UIMC1: variants seen among roughly 807,000 people sequenced by gnomAD.
UIMC1 encodes the protein BRCA1-A complex subunit RAP80.
Under a neutral mutation model 84.9 loss-of-function variants are expected in UIMC1, and 42 were observed. The ratio of observed to expected loss-of-function variants is 0.49; its 90% CI spans 0.39 to 0.64. UIMC1 has a LOEUF of 0.64. Among genes scored for constraint, UIMC1 ranks in the 30% least tolerant of loss-of-function variants. The pLI is 0.00. For synonymous variants in UIMC1, 281 were observed against 293.0 expected (o/e 0.96, Z 0.42); for missense variants, 825 against 847.6 (o/e 0.97, Z 0.33).
Position 176,908,574 on chromosome 5 carries a change from T to C in UIMC1, c.1797A>G (p.Arg599=), listed in dbSNP as rs1216744183. 1 of 1,614,122 alleles carries C rather than the reference T, an allele frequency of 6.2e-7. No individual in the cohort carries two copies. Among genetic ancestry groups the C allele is most frequent in the Admixed American group, 1.7e-5 (1 of 60,018 alleles). Residue 599 remains arginine, a synonymous_variant, in exon 12 of 15, where the codon AGA becomes AGG. Transcript: ENST00000511320. ...ACTTCCCCTCCACAGTTGAACATGC[T>C]CTTCCACTCCCTTCAGGTCCATCTC... ...DQGDGPEGSG[R]ACSTVEGKWQ... is the part of the protein sequence containing the mutation.
chr5:177,000,496 G>GTTTTTTTTTTTTTTTTTTT (rs1490596086), intron 1 of UIMC1, among the ~76,000 whole-genome samples: 2 of 125,950 alleles, frequency 1.6e-5, no homozygotes, highest in African/African-American at 3.7e-5. Context: ...CCACTTGCAT[G>GTTTTTTTTTTTTTTTTTTT]TCTTTTTTTT....
At chr5:177,022,515 G>C (rs143230660) in exon 1 of UIMC1, 6,148 of 506,514 alleles carry the variant, frequency 0.012, 54 homozygotes, top group Non-Finnish European at 0.016. Flanking sequence ...TCTCCGGGAG[G>C]GGGGGGTCAC....
intron 6 of UIMC1, among the ~76,000 whole-genome samples, chr5:176,968,145 A>C (rs781480144): frequency 6.6e-6 from 1 of 152,130 alleles, no homozygotes; most frequent in Non-Finnish European, 1.5e-5. Flanking sequence ...AGGCCAAGGC[A>C]TGCAGATCAC....
intron 1 of UIMC1, 122 bp from the exon 2 acceptor site, chr5:176,982,745 G>T: frequency 8.5e-7 from 1 of 1,175,480 alleles, no homozygotes; most frequent in Non-Finnish European, 1.2e-6. Flanking sequence ...TGTTGCCCAG[G>T]CTGGAGTGCA....
chr5:176,945,309 G>C (rs1158084055), intron 9 of UIMC1, among the ~76,000 whole-genome samples: 1 of 152,144 alleles, frequency 6.6e-6, no homozygotes, highest in African/African-American at 2.4e-5. Flanking sequence ...AAGTTGTAAA[G>C]CTTAAAAATT....
intron 1 of UIMC1, among the ~76,000 whole-genome samples, chr5:176,986,050 G>A (rs1285729722): frequency 6.6e-6 from 1 of 151,734 alleles, no homozygotes; most frequent in Non-Finnish European, 1.5e-5. Context: ...TCAGGAATTT[G>A]AGACCATCCT....
chr5:177,003,595 G>C (rs1376771146), intron 1 of UIMC1, among the ~76,000 whole-genome samples: 1 of 152,184 alleles, frequency 6.6e-6, no homozygotes, highest in East Asian at 1.9e-4. Flanking sequence ...AGAGATTGCA[G>C]TGAGCCAAGA....
At chr5:176,959,807 G>A (rs1350473351) in intron 6 of UIMC1, among the ~76,000 whole-genome samples, 5 of 151,928 alleles carry the variant, frequency 3.3e-5, no homozygotes, top group Non-Finnish European at 5.9e-5. Context: ...CAAGGTGGGC[G>A]GATCACCTGA....
intron 10 of UIMC1, among the ~76,000 whole-genome samples, chr5:176,940,631 T>C (rs1764295279): frequency 1.3e-5 from 2 of 152,130 alleles, no homozygotes; most frequent in African/African-American, 2.4e-5. Flanking sequence ...TGCATCTAGA[T>C]TGCAGTCCTT....
chr5:176,925,225 A>G (rs1166976075), intron 10 of UIMC1, among the ~76,000 whole-genome samples: 1 of 152,220 alleles, frequency 6.6e-6, no homozygotes, highest in Non-Finnish European at 1.5e-5. Flanking sequence ...ATACAAAATT[A>G]GACAACAATC....
intron 10 of UIMC1, among the ~76,000 whole-genome samples, chr5:176,932,599 G>C (rs1763246760): frequency 6.6e-6 from 1 of 152,194 alleles, no homozygotes; most frequent in African/African-American, 2.4e-5. Context: ...TACTGGGAGG[G>C]AAAGTGCTTG....
chr5:176,917,920 T>C (rs551015570), intron 10 of UIMC1, among the ~76,000 whole-genome samples: 25 of 152,230 alleles, frequency 1.6e-4, no homozygotes, highest in African/African-American at 4.8e-4. Flanking sequence ...GATCATGTCA[T>C]TGCACTCCAG....
At chr5:176,920,096 A>C (rs550302891) in intron 10 of UIMC1, among the ~76,000 whole-genome samples, 3 of 152,204 alleles carry the variant, frequency 2.0e-5, no homozygotes, top group South Asian at 4.2e-4. Flanking sequence ...ATCTTGGCAC[A>C]CCACAACCTC....
intron 9 of UIMC1, among the ~76,000 whole-genome samples, chr5:176,944,046 G>A (rs957164385): frequency 6.6e-6 from 1 of 152,152 alleles, no homozygotes; most frequent in African/African-American, 2.4e-5. Flanking sequence ...GCACCTTAAG[G>A]ACACATTTTC....
At chr5:176,953,826 T>G (rs1766232857) in intron 8 of UIMC1, among the ~76,000 whole-genome samples, 1 of 152,176 alleles carries the variant, frequency 6.6e-6, no homozygotes, top group African/African-American at 2.4e-5. Context: ...TCTTAAATAT[T>G]AGACTCCTGA....
intron 8 of UIMC1, among the ~76,000 whole-genome samples, chr5:176,955,198 A>G (rs900694807): frequency 2.6e-5 from 4 of 152,230 alleles, no homozygotes; most frequent in Non-Finnish European, 1.5e-5. Context: ...AGTTCATTTT[A>G]CATTATTTTG....
intron 9 of UIMC1, among the ~76,000 whole-genome samples, chr5:176,944,914 T>C (rs1181681934): frequency 2.6e-5 from 4 of 152,212 alleles, no homozygotes; most frequent in South Asian, 2.1e-4. Flanking sequence ...TCATTTTCCA[T>C]ATCCATCCCT....
intron 3 of UIMC1, among the ~76,000 whole-genome samples, chr5:176,971,511 A>C (rs1478738172): frequency 6.6e-6 from 1 of 152,254 alleles, no homozygotes; most frequent in Non-Finnish European, 1.5e-5. Flanking sequence ...TATCGAAAGA[A>C]CTTAGGAGCC....
intron 9 of UIMC1, among the ~76,000 whole-genome samples, chr5:176,945,525 C>T (rs1310992065): frequency 6.6e-6 from 1 of 152,192 alleles, no homozygotes; most frequent in East Asian, 1.9e-4. Flanking sequence ...TGATGTGCTT[C>T]CCCCTGTAGA....
Sources: allele counts gnomAD v4.1 joint callset (sites outside exome capture counted in the v4.1 genomes callset), GRCh38; gene constraint gnomAD v4.1.1; transcripts MANE v1.5; gene names NCBI Gene and HGNC (gene_info 2026-07-23, HGNC 2026-07-21).